CTNNA2: variants seen among roughly 807,000 people sequenced by gnomAD.
The protein encoded by CTNNA2 is catenin alpha-2.
CTNNA2 carries 42 observed loss-of-function variants against 101.0 expected under a neutral mutation model. The observed-to-expected ratio is 0.42, with a 90% confidence interval of 0.32 to 0.54. The LOEUF is 0.54. Ranked by LOEUF, CTNNA2 falls within the 20% of genes least tolerant of loss-of-function variation. The probability of loss-of-function intolerance (pLI) is 0.14; values close to 1 mark genes in which losing one functional copy is unlikely to be tolerated. For missense variants in CTNNA2, 871 were observed against 1,223.1 expected, an observed-to-expected ratio of 0.71 and a Z score of 4.29; for synonymous variants, 450 against 456.4, an observed-to-expected ratio of 0.99 and a Z score of 0.18.
intron 7 of CTNNA2, among the ~76,000 whole-genome samples, chr2:80,322,667 A>G (rs1678829799): frequency 1.3e-5 from 2 of 151,996 alleles, no homozygotes; most frequent in African/African-American, 4.8e-5. Context: ...GGACGATCGG[A>G]AACGCGTGTG....
At chr2:80,013,145 G>A (rs1358255354) in intron 7 of CTNNA2, among the ~76,000 whole-genome samples, 1 of 152,086 alleles carries the variant, frequency 6.6e-6, no homozygotes, top group African/African-American at 2.4e-5. Flanking sequence ...TAGCCTGGGT[G>A]ACAGAGCAAG....
At chr2:80,330,881 T>C (rs922339960) in intron 7 of CTNNA2, among the ~76,000 whole-genome samples, 1 of 152,216 alleles carries the variant, frequency 6.6e-6, no homozygotes, top group Non-Finnish European at 1.5e-5. Flanking sequence ...TTCTCACCAG[T>C]GGAGTGAATT....
At chr2:80,194,738 T>C (rs1051012255) in intron 7 of CTNNA2, among the ~76,000 whole-genome samples, 11 of 149,712 alleles carry the variant, frequency 7.3e-5, no homozygotes, top group Non-Finnish European at 1.3e-4. Flanking sequence ...CTTATTAATA[T>C]TAATTATATA....
intron 18 of CTNNA2, among the ~76,000 whole-genome samples, chr2:80,634,291 C>T (rs1672621689): frequency 1.3e-5 from 2 of 152,072 alleles, no homozygotes; most frequent in African/African-American, 4.8e-5. Context: ...AAAAGTATGG[C>T]TTGGGTAGTT....
Position 79,858,266 on chromosome 2 carries a change from G to A in CTNNA2, c.465+87G>A, listed in dbSNP as rs898089765. On this transcript the variant is annotated intron_variant, in intron 4 of 18. Coordinates refer to ENST00000402739, the MANE Select transcript of CTNNA2 (RefSeq NM_001282597.3). ...TACAGCTCTGGCCTCTACTCTAGAT[G>A]TTTCATTGCTCACCAGATCAGTTCA... The A allele has an allele frequency of 5.5e-5, 58 of 1,062,674 alleles. No individual in the cohort carries two copies. The African/African-American group carries it at 8.3e-4, about 15-fold the overall frequency. 65.8% of individuals were successfully genotyped at this position (1,062,674 alleles called of 1,614,324 possible). A position where few individuals can be genotyped will look rare whatever the true frequency, so the allele number is the denominator to read the frequency against.
At chr2:79,376,148 C>A (rs13404718) in intron 4 of CTNNA2, among the ~76,000 whole-genome samples, 6 of 151,910 alleles carry the variant, frequency 3.9e-5, no homozygotes, top group Admixed American at 6.6e-5. Flanking sequence ...AGAAGTAAGA[C>A]GAAATAAGGA....
At chr2:80,551,947 T>C (rs1346778562) in intron 11 of CTNNA2, among the ~76,000 whole-genome samples, 2 of 152,162 alleles carry the variant, frequency 1.3e-5, no homozygotes, top group African/African-American at 2.4e-5. Context: ...GTGTGACCCT[T>C]CCTTTCACTT....
chr2:79,481,668 G>A (rs910090980), intron 4 of CTNNA2, among the ~76,000 whole-genome samples: 1 of 152,226 alleles, frequency 6.6e-6, no homozygotes, highest in East Asian at 1.9e-4. Context: ...CTTGATTGTG[G>A]CTATGGTTTC....
chr2:79,404,205 G>C (rs895133899), intron 4 of CTNNA2, among the ~76,000 whole-genome samples: 1 of 151,768 alleles, frequency 6.6e-6, no homozygotes, highest in Admixed American at 6.6e-5. Flanking sequence ...AAGTGTTTAA[G>C]AACAGTCACC....
upstream of CTNNA2, among the ~76,000 whole-genome samples, chr2:79,511,106 T>A (rs934316972): frequency 1.3e-5 from 2 of 152,214 alleles, no homozygotes; most frequent in African/African-American, 4.8e-5. Context: ...ATCATTTTTT[T>A]AAAAAGTCAA....
chr2:79,365,868 G>T (rs2104450828), intron 3 of CTNNA2, among the ~76,000 whole-genome samples: 1 of 152,264 alleles, frequency 6.6e-6, no homozygotes, highest in South Asian at 2.1e-4. Context: ...TTCTGTAACG[G>T]TCACTGTAAC....
intron 3 of CTNNA2, among the ~76,000 whole-genome samples, chr2:79,359,798 T>C (rs1677588839): frequency 6.6e-6 from 1 of 152,140 alleles, no homozygotes; most frequent in Admixed American, 6.5e-5. Context: ...GTTTTTTTTT[T>C]CTGTAATACT....
intron 7 of CTNNA2, among the ~76,000 whole-genome samples, chr2:80,004,162 T>G (rs200167711): frequency 6.6e-6 from 1 of 152,308 alleles, no homozygotes; most frequent in East Asian, 1.9e-4. Context: ...TGCTTGTAGA[T>G]TTCCAAGAGA....
intron 1 of CTNNA2, among the ~76,000 whole-genome samples, chr2:79,643,738 T>G (rs571660555): frequency 6.6e-6 from 1 of 152,138 alleles, no homozygotes; most frequent in Non-Finnish European, 1.5e-5. Flanking sequence ...TACTGGAGGC[T>G]CTGGGGAAGA....
chr2:79,626,427 A>G (rs1679307488), intron 1 of CTNNA2, among the ~76,000 whole-genome samples: 1 of 152,178 alleles, frequency 6.6e-6, no homozygotes, highest in South Asian at 2.1e-4. Flanking sequence ...AGTTTGTACC[A>G]TTAGCCTGAA....
chr2:79,673,027 A>G (rs575462624), intron 2 of CTNNA2, among the ~76,000 whole-genome samples: 8 of 152,206 alleles, frequency 5.3e-5, no homozygotes, highest in Non-Finnish European at 7.4e-5. Flanking sequence ...CATTTTCAAC[A>G]TGATTGAGGT....
chr2:79,320,664 A>T (rs903163895), intron 3 of CTNNA2, among the ~76,000 whole-genome samples: 1 of 152,260 alleles, frequency 6.6e-6, no homozygotes, highest in East Asian at 1.9e-4. Context: ...AGACCAGCCC[A>T]TGTGTGAGAT....
At chr2:79,923,405 A>G (rs1255263680) in intron 7 of CTNNA2, among the ~76,000 whole-genome samples, 2 of 151,742 alleles carry the variant, frequency 1.3e-5, no homozygotes, top group East Asian at 1.9e-4. Context: ...GTTGCTTGCA[A>G]TTTTGAGTAG....
chr2:80,095,375 C>T lies in CTNNA2; in HGVS notation c.1056+185578C>T, dbSNP rs570402192. ...AGCCCACTTGATCATGGTGGATAAGCTTTTTGATGTGCTGCTGGATTCAGT... is the reference window on the plus strand; with the variant it reads ...AGCCCACTTGATCATGGTGGATAAGTTTTTTGATGTGCTGCTGGATTCAGT... On this transcript the variant is annotated intron_variant, in intron 7 of 18. Coordinates refer to ENST00000402739, the MANE Select transcript of CTNNA2 (RefSeq NM_001282597.3). Among the ~76,000 whole-genome samples the T allele has an allele frequency of 2.0e-4, 30 of 152,260 alleles. No homozygotes were observed. The East Asian group carries it at 3.7e-3, about 19-fold the overall frequency.
Sources: gnomAD v4.1 joint callset for allele counts (sites outside exome capture counted in the v4.1 genomes callset) on GRCh38, gnomAD v4.1.1 for gene constraint, MANE v1.5 for transcripts, NCBI Gene and HGNC (gene_info 2026-07-23, HGNC 2026-07-21) for gene names.